Variants in DOCK9 observed in about 807,000 individuals in gnomAD.
DOCK9 encodes the protein dedicator of cytokinesis protein 9.
DOCK9 carries 89 observed loss-of-function variants against 263.3 expected under a neutral mutation model. The observed-to-expected ratio is 0.34, with a 90% CI of 0.28 to 0.40. DOCK9 has a LOEUF of 0.40. Ranked by LOEUF, DOCK9 falls within the 10% of genes least tolerant of loss-of-function variation. The probability of loss-of-function intolerance (pLI) is 1.00; values close to 1 mark genes in which losing one functional copy is unlikely to be tolerated. For synonymous variants in DOCK9, 976 were observed against 973.1 expected (o/e 1.00, Z -0.06); for missense variants, 2,140 against 2,603.4 (o/e 0.82, Z 3.87).
intron 1 of DOCK9, among the ~76,000 whole-genome samples, chr13:98,968,074 C>T (rs1419737163): frequency 6.6e-6 from 1 of 152,162 alleles, no homozygotes; most frequent in Non-Finnish European, 1.5e-5. Context: ...TAAACCTGCA[C>T]TGATCGGTGT....
intron 15 of DOCK9, among the ~76,000 whole-genome samples, chr13:98,889,316 C>A (rs937946311): frequency 1.3e-5 from 2 of 152,018 alleles, no homozygotes; most frequent in Non-Finnish European, 2.9e-5. Context: ...GATGGGTGCA[C>A]CAAAATCACA....
In DOCK9 at chr13:98,904,721, C is replaced by T. The variant is rs369416241; in HGVS notation, c.961-15G>A. ...TCTCTTGCACTCTGATAACAAGATA[C>T]ATGAAAATTACATTTAACACAATCC... On this transcript the variant is annotated splice_polypyrimidine_tract_variant and intron_variant, in intron 9 of 52. Coordinates refer to ENST00000682017, the MANE Select transcript of DOCK9 (RefSeq NM_001366683.2). 669 of 1,545,404 alleles carry T rather than the reference C, an allele frequency of 4.3e-4. No individual in the cohort carries two copies. The highest frequency in any genetic ancestry group is 5.4e-4 in the Non-Finnish European group (616 of 1,144,026).
At chr13:98,932,434 A>AC (rs2054118333) in intron 2 of DOCK9, among the ~76,000 whole-genome samples, 2 of 151,446 alleles carry the variant, frequency 1.3e-5, no homozygotes, top group South Asian at 4.2e-4. Flanking sequence ...AAACAAACAA[A>AC]AAAACAGATC....
At chr13:99,004,253 C>G (rs1882904919) in intron 1 of DOCK9, among the ~76,000 whole-genome samples, 1 of 152,130 alleles carries the variant, frequency 6.6e-6, no homozygotes, top group Non-Finnish European at 1.5e-5. Flanking sequence ...TCATACCACC[C>G]TGTAATTGGC....
At chr13:99,041,264 G>A (rs1026356897) in intron 1 of DOCK9, among the ~76,000 whole-genome samples, 1 of 152,106 alleles carries the variant, frequency 6.6e-6, no homozygotes, top group African/African-American at 2.4e-5. Flanking sequence ...CAGGTGGATT[G>A]CTTGAGCCCA....
intron 7 of DOCK9, among the ~76,000 whole-genome samples, chr13:98,920,512 G>C (rs1314756341): frequency 6.6e-6 from 1 of 152,088 alleles, no homozygotes; most frequent in Admixed American, 6.5e-5. Context: ...GAGGAGCAGG[G>C]ATTTGAACTC....
At chr13:99,075,620 C>G (rs891623117) in intron 1 of DOCK9, among the ~76,000 whole-genome samples, 1 of 151,940 alleles carries the variant, frequency 6.6e-6, no homozygotes, top group Non-Finnish European at 1.5e-5. Context: ...CCACCTCAGC[C>G]TCCCAAAGTG....
At chr13:99,068,752 G>A (rs924433582) in intron 1 of DOCK9, among the ~76,000 whole-genome samples, 6 of 151,890 alleles carry the variant, frequency 4.0e-5, no homozygotes, top group Non-Finnish European at 4.4e-5. Context: ...TAAGAATAGC[G>A]AAGGAAAATA....
At chr13:98,811,882 GTTTTACA>G (rs941196739) in intron 45 of DOCK9, among the ~76,000 whole-genome samples, 1 of 152,102 alleles carries the variant, frequency 6.6e-6, no homozygotes, top group African/African-American at 2.4e-5. Flanking sequence ...AAGCTTTATA[GTTTTACA>G]TTTTACATTT....
intron 2 of DOCK9, among the ~76,000 whole-genome samples, chr13:98,932,020 C>T (rs1265720894): frequency 2.0e-5 from 3 of 152,212 alleles, no homozygotes; most frequent in Non-Finnish European, 4.4e-5. Flanking sequence ...AGCCACCATG[C>T]CCGGCCTGGG....
chr13:98,833,575 C>T (rs1333072928), intron 39 of DOCK9, among the ~76,000 whole-genome samples: 1 of 152,106 alleles, frequency 6.6e-6, no homozygotes, highest in Non-Finnish European at 1.5e-5. Flanking sequence ...GGATTCAGTC[C>T]TCTTCAGCCC....
In DOCK9 at chr13:98,955,425, C is replaced by T. The variant is rs375697962; in HGVS notation, c.243+10G>A. On this transcript the variant is annotated intron_variant, in intron 2 of 52. Coordinates refer to ENST00000682017, the MANE Select transcript of DOCK9 (RefSeq NM_001366683.2). ...CGTGGTTCTACGGATAGAAACATAA[C>T]GTTACTTACCTGAAAGTCATCGTAA... The T allele has an allele frequency of 3.6e-4, 560 of 1,549,518 alleles. No individual in the cohort carries two copies. The highest frequency in any genetic ancestry group is 4.5e-4 in the Non-Finnish European group (518 of 1,138,768).
At chr13:98,983,623 ATT>A (rs71213702) in intron 1 of DOCK9, among the ~76,000 whole-genome samples, 4 of 128,602 alleles carry the variant, frequency 3.1e-5, no homozygotes, top group Non-Finnish European at 6.8e-5. Flanking sequence ...TATTATTATT[ATT>A]TTTTTTTTTG....
At chr13:98,868,203 T>C in intron 28 of DOCK9, 28 bp downstream of exon 28, 1 of 1,612,796 alleles carries the variant, frequency 6.2e-7, no homozygotes, top group Non-Finnish European at 8.5e-7. Flanking sequence ...GTCCCATAAC[T>C]GATATCCTCT....
chr13:98,900,667 T>G (rs1045108457), intron 13 of DOCK9, among the ~76,000 whole-genome samples: 2 of 152,130 alleles, frequency 1.3e-5, no homozygotes, highest in Non-Finnish European at 2.9e-5. Context: ...ACTGTCCCTA[T>G]GAGGAAGGCA....
rs1875690774 is a variant in DOCK9 at position 98,978,025 on chromosome 13, G to A, written c.-116C>T. The A allele has an allele frequency of 2.1e-6, 3 of 1,451,148 alleles. No individual in the cohort carries two copies. Among genetic ancestry groups the A allele is most frequent in the Non-Finnish European group, 2.7e-6 (3 of 1,105,310 alleles). The allele number at this position is 1,451,148 out of a possible 1,614,324, so 89.9% of individuals were successfully genotyped here. On this transcript the variant is annotated 5_prime_UTR_variant, in exon 1 of 53. Transcript: ENST00000682017. Reference sequence around the variant, plus strand: ...GAAGGAAAGGAAACTGGCTTCCCAGGCACAAGTGGTCAGCCCCGCTGGCTG... The same window carrying A: ...GAAGGAAAGGAAACTGGCTTCCCAGACACAAGTGGTCAGCCCCGCTGGCTG...
intron 2 of DOCK9, among the ~76,000 whole-genome samples, chr13:98,954,705 A>C (rs569527479): frequency 6.6e-6 from 1 of 152,332 alleles, no homozygotes; most frequent in African/African-American, 2.4e-5. Context: ...TCCTAAAAAA[A>C]GGCATGACGA....
At chr13:98,890,874 G>A (rs1426916222) in intron 15 of DOCK9, among the ~76,000 whole-genome samples, 1 of 152,100 alleles carries the variant, frequency 6.6e-6, no homozygotes. Context: ...TTCTCTCAGG[G>A]TCCCTCCCTC....
At chr13:98,929,402 G>C (rs1395276285) in intron 3 of DOCK9, among the ~76,000 whole-genome samples, 1 of 152,054 alleles carries the variant, frequency 6.6e-6, no homozygotes, top group African/African-American at 2.4e-5. Context: ...GGTTAGCCAG[G>C]CGTGGTGGTG....
Sources: gnomAD v4.1 joint callset for allele counts (sites outside exome capture counted in the v4.1 genomes callset) on GRCh38, gnomAD v4.1.1 for gene constraint, MANE v1.5 for transcripts, NCBI Gene and HGNC (gene_info 2026-07-23, HGNC 2026-07-21) for gene names.